CCDC178: variants seen among roughly 807,000 people sequenced by gnomAD.
The protein encoded by CCDC178 is coiled-coil domain containing 178, also known as coiled-coil domain-containing protein 178.
A neutral mutation model predicts 117.4 loss-of-function variants in CCDC178; 126 were observed. The observed-to-expected ratio is 1.07, with a 90% CI of 0.93 to 1.24. The LOEUF (loss-of-function observed/expected upper bound fraction) is 1.24, where lower values mean the gene tolerates loss of function less well. CCDC178 is among the 50% of genes most tolerant of loss of function. The pLI, the probability that CCDC178 is intolerant of heterozygous loss-of-function variation, is 0.00. For missense variants in CCDC178, 1,030 were observed against 986.9 expected (o/e 1.04, Z -0.59); for synonymous variants, 283 against 313.4 (o/e 0.90, Z 1.02).
At chr18:33,301,521 C>T (rs1426312809) in intron 11 of CCDC178, among the ~76,000 whole-genome samples, 1 of 152,216 alleles carries the variant, frequency 6.6e-6, no homozygotes, top group African/African-American at 2.4e-5. Flanking sequence ...TCCACAGTCA[C>T]TCAACTCCAA....
At chr18:32,961,460 T>C (rs570686513) in intron 22 of CCDC178, among the ~76,000 whole-genome samples, 2 of 152,262 alleles carry the variant, frequency 1.3e-5, no homozygotes, top group African/African-American at 2.4e-5. Context: ...TTTAAAACTT[T>C]CAAGTTACCA....
chr18:33,274,274 C>A (rs567007583), intron 12 of CCDC178, among the ~76,000 whole-genome samples: 9 of 151,650 alleles, frequency 5.9e-5, no homozygotes, highest in Non-Finnish European at 1.0e-4. Flanking sequence ...GCTAAGAATA[C>A]GTTAGAATTG....
intron 21 of CCDC178, among the ~76,000 whole-genome samples, chr18:33,031,914 T>G (rs2056351572): frequency 6.6e-6 from 1 of 152,108 alleles, no homozygotes; most frequent in African/African-American, 2.4e-5. Flanking sequence ...TACTATCTAG[T>G]AATGAGAATG....
At chr18:33,281,117 A>AATAATAAT (rs1463010708) in intron 12 of CCDC178, among the ~76,000 whole-genome samples, 72 of 124,988 alleles carry the variant, frequency 5.8e-4, no homozygotes, top group African/African-American at 1.8e-3. Flanking sequence ...ATAATAATAA[A>AATAATAAT]GAAACACACA....
rs189665135 is a variant in CCDC178 at position 33,104,669 on chromosome 18, G to C, written c.2239-11759C>G. Among the ~76,000 whole-genome samples, 25 of 151,706 alleles carry C rather than the reference G, an allele frequency of 1.6e-4. No homozygotes were observed. The East Asian group carries it at 4.7e-3, about 28-fold the overall frequency. ...GAAATATTGAATGACCCACTTTTAC[G>C]TTTTTCCCACAAAATGAAACACTTC... On this transcript the variant is annotated intron_variant, in intron 20 of 22. Transcript: ENST00000383096.
At chr18:33,151,552 G>A (rs1430689761) in intron 20 of CCDC178, among the ~76,000 whole-genome samples, 2 of 152,080 alleles carry the variant, frequency 1.3e-5, no homozygotes, top group Non-Finnish European at 2.9e-5. Context: ...TCTTAGAAAT[G>A]TAAATGAGAA....
intron 5 of CCDC178, among the ~76,000 whole-genome samples, chr18:33,371,784 T>TACACAGAC (rs1880250873): frequency 6.9e-6 from 1 of 144,192 alleles, no homozygotes; most frequent in Non-Finnish European, 1.5e-5. Context: ...TAAACATATA[T>TACACAGAC]ACACACACAC....
chr18:33,296,390 A>C (rs1568125079), intron 11 of CCDC178, among the ~76,000 whole-genome samples: 2 of 151,858 alleles, frequency 1.3e-5, no homozygotes, highest in East Asian at 3.9e-4. Flanking sequence ...TATAATAATA[A>C]ACACACACAC....
chr18:33,414,411 C>G (rs1166490066), intron 2 of CCDC178, among the ~76,000 whole-genome samples: 1 of 152,142 alleles, frequency 6.6e-6, no homozygotes, highest in East Asian at 1.9e-4. Flanking sequence ...CTACAACCAT[C>G]TAATCTTTGA....
intron 3 of CCDC178, among the ~76,000 whole-genome samples, chr18:33,401,205 A>C (rs1006623916): frequency 1.3e-5 from 2 of 152,244 alleles, no homozygotes; most frequent in Admixed American, 6.5e-5. Flanking sequence ...AGTTTTTGAA[A>C]TATTGCAGGA....
intron 3 of CCDC178, among the ~76,000 whole-genome samples, chr18:33,405,542 A>G (rs1400900289): frequency 6.6e-6 from 1 of 151,966 alleles, no homozygotes; most frequent in Non-Finnish European, 1.5e-5. Context: ...TAATACATTT[A>G]AGATACTCTC....
chr18:33,120,081 T>G (rs998246260), intron 20 of CCDC178, among the ~76,000 whole-genome samples: 1 of 152,012 alleles, frequency 6.6e-6, no homozygotes, highest in Non-Finnish European at 1.5e-5. Context: ...ATATACCTAA[T>G]GTAAATGATG....
intron 20 of CCDC178, among the ~76,000 whole-genome samples, chr18:33,130,362 G>A (rs999395255): frequency 6.6e-6 from 1 of 151,772 alleles, no homozygotes; most frequent in Non-Finnish European, 1.5e-5. Context: ...TAAAATTTTT[G>A]TCCCCATTTT....
At chr18:33,186,862 C>T (rs1260746471) in intron 20 of CCDC178, among the ~76,000 whole-genome samples, 1 of 152,028 alleles carries the variant, frequency 6.6e-6, no homozygotes, top group African/African-American at 2.4e-5. Context: ...CTGACTCTTA[C>T]TTTTAGAAGA....
At chr18:32,950,158 C>T (rs1386975727) in intron 22 of CCDC178, among the ~76,000 whole-genome samples, 1 of 152,088 alleles carries the variant, frequency 6.6e-6, no homozygotes, top group Non-Finnish European at 1.5e-5. Flanking sequence ...AAAGGTTATC[C>T]AAGGGAGACT....
chr18:33,278,217 C>A (rs2059974276), intron 12 of CCDC178, among the ~76,000 whole-genome samples: 2 of 116,214 alleles, frequency 1.7e-5, no homozygotes, highest in Non-Finnish European at 3.5e-5. Flanking sequence ...TTCCAATGAT[C>A]CTAAAATACA....
intron 3 of CCDC178, among the ~76,000 whole-genome samples, chr18:33,397,635 A>G (rs2063656854): frequency 6.6e-6 from 1 of 152,186 alleles, no homozygotes. Flanking sequence ...TTGAAAAAAT[A>G]CAATACATGA....
Position 33,333,317 on chromosome 18 carries a change from C to A in CCDC178, c.736G>T (p.Glu246Ter). Residue 246 changes from glutamate (E) to a stop codon, truncating the protein, a stop_gained, in exon 10 of 23, where the codon GAA becomes TAA. Transcript: ENST00000383096. LOFTEE classifies it high-confidence loss of function. ...EDKANQLQHF[E>*]KQKTELEEAN... ...TCTTCTAACTCTGTCTTTTGTTTTT[C>A]AAAATGTTGTAGTTGATTAGCTTTA... is the stretch of plus-strand genomic sequence containing the variant. 21 of 1,612,524 alleles carry A rather than the reference C, an allele frequency of 1.3e-5. No individual in the cohort carries two copies. Among genetic ancestry groups the A allele is most frequent in the Non-Finnish European group, 1.8e-5 (21 of 1,179,208 alleles).
At chr18:33,255,152 C>A (rs890580780) in intron 14 of CCDC178, among the ~76,000 whole-genome samples, 3 of 152,034 alleles carry the variant, frequency 2.0e-5, no homozygotes, top group Non-Finnish European at 4.4e-5. Flanking sequence ...CCTTCTCCAG[C>A]ATGTTCTGAT....
Sources: gnomAD v4.1 joint callset for allele counts (sites outside exome capture counted in the v4.1 genomes callset) on GRCh38, gnomAD v4.1.1 for gene constraint, MANE v1.5 for transcripts, NCBI Gene and HGNC (gene_info 2026-07-23, HGNC 2026-07-21) for gene names.